Variants in THSD4 observed in about 807,000 individuals in gnomAD.
The protein encoded by THSD4 is thrombospondin type-1 domain-containing protein 4.
Under a neutral mutation model 119.0 loss-of-function variants are expected in THSD4, and 69 were observed. The observed-to-expected ratio is 0.58, with a 90% CI of 0.48 to 0.71. The LOEUF (loss-of-function observed/expected upper bound fraction) is 0.71. Ranked by LOEUF, THSD4 falls within the 30% of genes least tolerant of loss-of-function variation. The pLI is 0.00. For missense variants in THSD4, 1,393 were observed against 1,391.1 expected (o/e 1.00, Z -0.02); for synonymous variants, 524 against 540.4 (o/e 0.97, Z 0.42).
chr15:71,315,588 C>T (rs1229958967), intron 6 of THSD4, among the ~76,000 whole-genome samples: 3 of 152,246 alleles, frequency 2.0e-5, no homozygotes, highest in Admixed American at 6.5e-5. Context: ...GGCTCCGCCT[C>T]CTTGAAACCA....
intron 6 of THSD4, among the ~76,000 whole-genome samples, chr15:71,350,141 T>TAAAA (rs3086680): frequency 2.7e-5 from 3 of 111,152 alleles, no homozygotes; most frequent in South Asian, 2.8e-4. Context: ...TGCAAATTAC[T>TAAAA]AAAAAAAAAA....
intron 5 of THSD4, among the ~76,000 whole-genome samples, chr15:71,256,006 CA>C (rs34874887): frequency 0.069 from 10,561 of 152,178 alleles, 510 homozygotes; most frequent in Middle Eastern, 0.14. Context: ...CAGTGGTTTT[CA>C]AATTATAGTG....
At chr15:71,681,590 G>A (rs1420970101) in intron 8 of THSD4, among the ~76,000 whole-genome samples, 3 of 150,222 alleles carry the variant, frequency 2.0e-5, no homozygotes, top group Admixed American at 6.7e-5. Flanking sequence ...CGGCAGAATC[G>A]ATTGAACCGG....
At chr15:71,406,646 GTGTGTGT>G (rs2046611728) in intron 6 of THSD4, among the ~76,000 whole-genome samples, 2 of 6,638 alleles carry the variant, frequency 3.0e-4, no homozygotes, top group African/African-American at 4.3e-4. Context: ...TTTGTTTGGT[GTGTGTGT>G]GTGTGTGTGT....
intron 1 of THSD4, among the ~76,000 whole-genome samples, chr15:71,102,840 ACAGGTGTGAGCCACTCCACTAGGCCTGT>A: frequency 6.6e-6 from 1 of 152,210 alleles, no homozygotes; most frequent in Non-Finnish European, 1.5e-5. Flanking sequence ...TGCTGGGATT[ACAGGTGTGAGCCACTCCACTAGGCCTGT>A]TTTTATATCT....
chr15:71,129,809 A>G (rs638398), intron 1 of THSD4, among the ~76,000 whole-genome samples: 24,536 of 152,202 alleles, frequency 0.16, 4,449 homozygotes, highest in African/African-American at 0.45. Flanking sequence ...GATTTCTATC[A>G]CTTAAAAAAA....
chr15:71,710,210 C>T lies in THSD4; in HGVS notation c.1358-18339C>T, dbSNP rs547384983. On this transcript the variant is annotated intron_variant, in intron 8 of 17. Coordinates refer to ENST00000261862, the MANE Select transcript of THSD4 (RefSeq NM_024817.3). ...TTTAAAACAAAGCAACAGGGAGGTG[C>T]CCCCCTCCATTCCATTCCACCCTCT... is the stretch of plus-strand genomic sequence containing the variant. Among the ~76,000 whole-genome samples, 3 of 152,304 alleles carry T rather than the reference C, an allele frequency of 2.0e-5. No homozygotes were observed. The South Asian group carries it at 6.2e-4, about 32-fold the overall frequency.
At chr15:71,260,126 C>T (rs930794271) in intron 6 of THSD4, among the ~76,000 whole-genome samples, 12 of 152,234 alleles carry the variant, frequency 7.9e-5, no homozygotes, top group Admixed American at 2.6e-4. Flanking sequence ...ATATTGATAG[C>T]CCTATGCAAA....
intron 4 of THSD4, among the ~76,000 whole-genome samples, chr15:71,215,860 C>T (rs1029156089): frequency 6.6e-6 from 1 of 152,222 alleles, no homozygotes; most frequent in African/African-American, 2.4e-5. Context: ...TAGAATGCTC[C>T]CAAGCTGTAG....
At chr15:71,615,068 G>A (rs572057682) in intron 7 of THSD4, among the ~76,000 whole-genome samples, 9 of 152,342 alleles carry the variant, frequency 5.9e-5, no homozygotes, top group Non-Finnish European at 1.0e-4. Flanking sequence ...CTGGCATTCA[G>A]AATGGCTCTC....
At chr15:71,678,308 G>A (rs1178827796) in intron 8 of THSD4, among the ~76,000 whole-genome samples, 1 of 152,210 alleles carries the variant, frequency 6.6e-6, no homozygotes, top group Non-Finnish European at 1.5e-5. Flanking sequence ...TAATGAAAGA[G>A]AAGTGACTCC....
chr15:71,677,407 C>A (rs1430136524), intron 8 of THSD4, among the ~76,000 whole-genome samples: 1 of 152,210 alleles, frequency 6.6e-6, no homozygotes, highest in Non-Finnish European at 1.5e-5. Flanking sequence ...ATTCACAAAA[C>A]AAAGATTCCA....
chr15:71,284,815 T>A (rs935335922), intron 6 of THSD4, among the ~76,000 whole-genome samples: 9 of 152,230 alleles, frequency 5.9e-5, no homozygotes, highest in African/African-American at 1.9e-4. Context: ...TTTGAGAACA[T>A]TTGTTTTCTC....
rs559219988 is a variant in THSD4, at chr15:71,527,899, G to A, written c.1152+116076G>A. 2.0e-5 allele frequency among the ~76,000 whole-genome samples: 3 copies of A among 151,878 alleles called. No homozygotes were observed. The South Asian group carries it at 6.2e-4, about 32-fold the overall frequency. ...AGCTAATCTTTGTATTTTTTGTAGAGACAGTGTCTTGCCATGTTGCCCAGG... is the reference window on the plus strand; with the variant it reads ...AGCTAATCTTTGTATTTTTTGTAGAAACAGTGTCTTGCCATGTTGCCCAGG... On this transcript the variant is annotated intron_variant, in intron 7 of 17. Transcript: ENST00000261862.
At chr15:71,522,877 G>C (rs200539538) in intron 7 of THSD4, among the ~76,000 whole-genome samples, 1 of 152,184 alleles carries the variant, frequency 6.6e-6, no homozygotes, top group African/African-American at 2.4e-5. Context: ...GTTCAAAAGA[G>C]GGAGACTTTG....
In THSD4 at chr15:71,282,045, A is replaced by C. The variant is rs570968480; in HGVS notation, c.1015+25330A>C. On this transcript the variant is annotated intron_variant, in intron 6 of 17. Coordinates refer to ENST00000261862, the MANE Select transcript of THSD4 (RefSeq NM_024817.3). ...CAAAGGTTTGGGAGAAGATTAAATG[A>C]AATAGTTCCTACACCTGACACCTGG... Among the ~76,000 whole-genome samples, 21 of 152,322 alleles carry C rather than the reference A, an allele frequency of 1.4e-4. No homozygotes were observed. In the South Asian group the frequency reaches 4.1e-3, roughly 30 times the overall value.
intron 6 of THSD4, among the ~76,000 whole-genome samples, chr15:71,311,153 G>C (rs1054951434): frequency 6.6e-6 from 1 of 152,146 alleles, no homozygotes. Flanking sequence ...GGCCGTCAAA[G>C]TTCTAACCAT....
intron 3 of THSD4, among the ~76,000 whole-genome samples, chr15:71,207,855 G>A (rs1023114981): frequency 6.6e-6 from 1 of 152,156 alleles, no homozygotes; most frequent in African/African-American, 2.4e-5. Context: ...TCATGGAACT[G>A]GTTCCTGGTG....
intron 7 of THSD4, among the ~76,000 whole-genome samples, chr15:71,659,654 C>G (rs2051261932): frequency 6.6e-6 from 1 of 152,178 alleles, no homozygotes; most frequent in African/African-American, 2.4e-5. Context: ...TCAAGCAGTC[C>G]TCCTGCCTCA....
Sources: gnomAD v4.1 joint callset for allele counts (sites outside exome capture counted in the v4.1 genomes callset) on GRCh38, gnomAD v4.1.1 for gene constraint, MANE v1.5 for transcripts, NCBI Gene and HGNC (gene_info 2026-07-23, HGNC 2026-07-21) for gene names.